OTOF: variants seen among roughly 807,000 people sequenced by gnomAD.
OTOF encodes the protein otoferlin.
A neutral mutation model predicts 236.8 loss-of-function variants in OTOF; 218 were observed. The ratio of observed to expected loss-of-function variants is 0.92; its 90% confidence interval spans 0.82 to 1.03. The LOEUF (loss-of-function observed/expected upper bound fraction) is 1.03. Ranked by LOEUF, OTOF falls within the 50% of genes least tolerant of loss-of-function variation. The probability of loss-of-function intolerance (pLI) is 0.00; values close to 1 mark genes in which losing one functional copy is unlikely to be tolerated. For missense variants in OTOF, 2,590 were observed against 2,694.4 expected, an observed-to-expected ratio of 0.96 and a Z score of 0.86; for synonymous variants, 1,041 against 1,072.5, an observed-to-expected ratio of 0.97 and a Z score of 0.57.
At chr2:26,534,969 A>T (rs1345884326) in intron 2 of OTOF, among the ~76,000 whole-genome samples, 1 of 152,252 alleles carries the variant, frequency 6.6e-6, no homozygotes, top group Non-Finnish European at 1.5e-5. Context: ...CAACTTGTCC[A>T]CTGGGTCTAG....
chr2:26,471,378 G>C (rs1664968154), intron 30 of OTOF, among the ~76,000 whole-genome samples: 1 of 152,224 alleles, frequency 6.6e-6, no homozygotes, highest in Admixed American at 6.5e-5. Flanking sequence ...ACAGTGGGCT[G>C]TGTTCCAGGC....
At chr2:26,555,406 G>T (rs1667560811) in intron 1 of OTOF, among the ~76,000 whole-genome samples, 2 of 152,216 alleles carry the variant, frequency 1.3e-5, no homozygotes, top group African/African-American at 4.8e-5. Context: ...TCACCTCAGG[G>T]TCCCAGGCCT....
In OTOF at chr2:26,462,212, GC is replaced by G. The variant is rs1490321496; in HGVS notation, c.5193-32del. Reference sequence around the variant, plus strand: ...CCCAGGGAGAGAAGGCTGGTTAGCAGCCCCAGGTGGGGGTTATGCCAGGGTG... The same window carrying G: ...CCCAGGGAGAGAAGGCTGGTTAGCAGCCCAGGTGGGGGTTATGCCAGGGTG... On this transcript the variant is annotated intron_variant, in intron 41 of 46. Transcript: ENST00000272371. This position sits in a 1 kb window ranked among gnomAD's most constrained non-coding sequence, Gnocchi z 4.7. 2 of 1,587,244 alleles carry G rather than the reference GC, an allele frequency of 1.3e-6. No individual in the cohort carries two copies. The highest frequency in any genetic ancestry group is 2.2e-5 in the East Asian group (1 of 44,748).
In OTOF at chr2:26,536,594, G is replaced by A. The variant is rs75608876; in HGVS notation, c.138+1122C>T. On this transcript the variant is annotated intron_variant, in intron 2 of 46. Transcript: ENST00000272371. ...ACATCGTGTGGCCTGGTTTCTGGAGGAGGGGGAGACAGCTGGTGCCAAGTG... is the reference window on the plus strand; with the variant it reads ...ACATCGTGTGGCCTGGTTTCTGGAGAAGGGGGAGACAGCTGGTGCCAAGTG... Among the ~76,000 whole-genome samples, 334 of 152,290 alleles carry A rather than the reference G, an allele frequency of 2.2e-3. 2 individuals carry two copies. The highest frequency in any genetic ancestry group is 7.6e-3 in the African/African-American group (315 of 41,556).
In OTOF at chr2:26,526,533, G is replaced by A. The variant is rs536858377; in HGVS notation, c.227+1299C>T. ...TGGATCAATGGATGGATGAATGGAT[G>A]AATATGTCCTCTATGATTTTCCCTT... On this transcript the variant is annotated intron_variant, in intron 3 of 46. Coordinates refer to ENST00000272371, the MANE Select transcript of OTOF (RefSeq NM_194248.3). 1.4e-4 allele frequency among the ~76,000 whole-genome samples: 22 copies of A among 152,298 alleles called. 1 individual carries two copies. The East Asian group carries it at 4.0e-3, about 28-fold the overall frequency.
intron 5 of OTOF, among the ~76,000 whole-genome samples, chr2:26,514,164 TC>T (rs1666460534): frequency 1.3e-5 from 2 of 152,246 alleles, no homozygotes; most frequent in Admixed American, 1.3e-4. Flanking sequence ...GCGATGCCTG[TC>T]CCCAATGTGC....
At chr2:26,489,627 G>A (rs1442551360) in intron 10 of OTOF, 51 bp downstream of exon 10, 2 of 1,468,150 alleles carry the variant, frequency 1.4e-6, no homozygotes, top group Non-Finnish European at 1.9e-6. Context: ...TCTGCACAAA[G>A]GTGCAGTTTG....
In OTOF at chr2:26,461,308, G is replaced by C. The variant is rs908037927; in HGVS notation, c.5534-278C>G. Among the ~76,000 whole-genome samples, 2 of 152,264 alleles carry C rather than the reference G, an allele frequency of 1.3e-5. No individual in the cohort carries two copies. The highest frequency in any genetic ancestry group is 1.9e-4 in the East Asian group (1 of 5,186). ...CCACTCCCTGCCATGCATCCATTCT[G>C]TCAAAGTCCTGCTAATCCCACAAGC... is the stretch of plus-strand genomic sequence containing the variant. On this transcript the variant is annotated intron_variant, in intron 43 of 46. Coordinates refer to ENST00000272371, the MANE Select transcript of OTOF (RefSeq NM_194248.3). This position sits in a 1 kb window ranked among gnomAD's most constrained non-coding sequence, Gnocchi z 6.2.
In OTOF at chr2:26,540,911, A is replaced by G. The variant is rs147150731; in HGVS notation, c.80-3137T>C. On this transcript the variant is annotated intron_variant, in intron 1 of 46. Coordinates refer to ENST00000272371, the MANE Select transcript of OTOF (RefSeq NM_194248.3). ...AAAAAAATCAACAAGAAATATCTCAACAACAAGCCCCCGGGCAATCAAGGG... is the reference window on the plus strand; with the variant it reads ...AAAAAAATCAACAAGAAATATCTCAGCAACAAGCCCCCGGGCAATCAAGGG... Among the ~76,000 whole-genome samples, 278 of 152,354 alleles carry G rather than the reference A, an allele frequency of 1.8e-3. 3 individuals are homozygous for G. Among genetic ancestry groups the G allele is most frequent in the African/African-American group, 5.5e-3 (229 of 41,582 alleles).
At position 26,558,666 on chromosome 2, in the gene OTOF, GCCTCCT is replaced by G. The variant is rs886055882; in HGVS notation, c.-101_-96del. On this transcript the variant is annotated 5_prime_UTR_variant, in exon 1 of 47. Coordinates refer to ENST00000272371, the MANE Select transcript of OTOF (RefSeq NM_194248.3). ...ACACGCCTCTCTCTTCTCTGCCGCTGCCTCCTCCTCCTCCTCCCGACCCCCCTCCGA... is the reference window on the plus strand; with the variant it reads ...ACACGCCTCTCTCTTCTCTGCCGCTGCCTCCTCCTCCCGACCCCCCTCCGA... 295 of 1,089,008 alleles carry G rather than the reference GCCTCCT, an allele frequency of 2.7e-4. 1 individual carries two copies. The East Asian group carries it at 7.0e-3, about 26-fold the overall frequency. 67.5% of individuals were successfully genotyped at this position (1,089,008 alleles called of 1,614,324 possible). A position where few individuals can be genotyped will look rare whatever the true frequency, so the allele number is the denominator to read the frequency against.
At chr2:26,492,312 A>T (rs1665868176) in intron 9 of OTOF, among the ~76,000 whole-genome samples, 1 of 152,224 alleles carries the variant, frequency 6.6e-6, no homozygotes, top group Non-Finnish European at 1.5e-5. Flanking sequence ...GGACGATCCC[A>T]CCACAATTAT....
At chr2:26,550,363 G>T (rs1486193429) in intron 1 of OTOF, among the ~76,000 whole-genome samples, 1 of 151,714 alleles carries the variant, frequency 6.6e-6, no homozygotes, top group African/African-American at 2.4e-5. Flanking sequence ...CTGGCTGCAG[G>T]GGGGCCCCTG....
intron 2 of OTOF, among the ~76,000 whole-genome samples, chr2:26,530,290 G>T (rs1037750969): frequency 4.6e-5 from 7 of 152,022 alleles, no homozygotes; most frequent in Non-Finnish European, 1.0e-4. Flanking sequence ...CTGCCTGGCT[G>T]CGGGGCGAGG....
At chr2:26,544,826 A>G (rs1667290824) in intron 1 of OTOF, among the ~76,000 whole-genome samples, 1 of 152,124 alleles carries the variant, frequency 6.6e-6, no homozygotes, top group African/African-American at 2.4e-5. Context: ...TCATGAGGTC[A>G]GGAGATGGAG....
chr2:26,479,469 C>T lies in OTOF; in HGVS notation c.2093+4G>A, dbSNP rs749204885. Reference sequence around the variant, plus strand: ...GCCACAGGAGGATGGGAGGCTGGGCCCACCTGTCGGTGACCTGGGGCCGCA... The same window carrying T: ...GCCACAGGAGGATGGGAGGCTGGGCTCACCTGTCGGTGACCTGGGGCCGCA... On this transcript the variant is annotated splice_donor_region_variant and intron_variant, in intron 17 of 46. Coordinates refer to ENST00000272371, the MANE Select transcript of OTOF (RefSeq NM_194248.3). The T allele has an allele frequency of 7.5e-6, 12 of 1,601,888 alleles. No individual in the cohort carries two copies. Among genetic ancestry groups the T allele is most frequent in the Non-Finnish European group, 1.0e-5 (12 of 1,175,164 alleles).
At chr2:26,535,323 A>G (rs1667043824) in intron 2 of OTOF, among the ~76,000 whole-genome samples, 1 of 152,128 alleles carries the variant, frequency 6.6e-6, no homozygotes, top group Non-Finnish European at 1.5e-5. Context: ...ATCTGAGCCT[A>G]ATTTCGTCTG....
At chr2:26,465,294 CAG>C (rs919943829) in intron 38 of OTOF, among the ~76,000 whole-genome samples, 16 of 152,184 alleles carry the variant, frequency 1.1e-4, no homozygotes, top group African/African-American at 3.6e-4. Flanking sequence ...TCTGGAACCT[CAG>C]AGACTCCCAT....
rs56104110 is a variant in OTOF, at chr2:26,545,040, CAA to C, written c.80-7268_80-7267del. ...TGGGTGACAGAACGAGATGCCATCC[CAA>C]AAAAAAAAAAAAAGAAAAGAAAAGA... On this transcript the variant is annotated intron_variant, in intron 1 of 46. Coordinates refer to ENST00000272371, the MANE Select transcript of OTOF (RefSeq NM_194248.3). Among the ~76,000 whole-genome samples the C allele has an allele frequency of 9.7e-3, 1,322 of 136,482 alleles. 16 individuals carry two copies. The highest frequency in any genetic ancestry group is 0.034 in the African/African-American group (1,207 of 35,896). 89.5% of individuals were successfully genotyped at this position (136,482 alleles called of 152,430 possible).
chr2:26,459,291 G>A (rs933006355), intron 46 of OTOF, among the ~76,000 whole-genome samples: 2 of 152,100 alleles, frequency 1.3e-5, no homozygotes, highest in South Asian at 2.1e-4. Flanking sequence ...GGTGGCTCAC[G>A]CCTGTAATCC....
Sources: allele counts gnomAD v4.1 joint callset (sites outside exome capture counted in the v4.1 genomes callset), GRCh38; gene constraint gnomAD v4.1.1; non-coding constraint Gnocchi (gnomAD v3.1); transcripts MANE v1.5; gene names NCBI Gene and HGNC (gene_info 2026-07-23, HGNC 2026-07-21).